GRM5: variants seen among roughly 807,000 people sequenced by gnomAD.
GRM5 encodes metabotropic glutamate receptor 5.
A neutral mutation model predicts 83.1 loss-of-function variants in GRM5; 19 were observed. The observed-to-expected ratio is 0.23, with a 90% CI of 0.16 to 0.34. The LOEUF (loss-of-function observed/expected upper bound fraction) is 0.34, where lower values mean the gene tolerates loss of function less well. Ranked by LOEUF, GRM5 falls within the 10% of genes least tolerant of loss-of-function variation. The probability of loss-of-function intolerance (pLI) is 1.00; values close to 1 mark genes in which losing one functional copy is unlikely to be tolerated. For missense variants in GRM5, 1,160 were observed against 1,588.3 expected, an observed-to-expected ratio of 0.73 and a Z score of 4.58; for synonymous variants, 675 against 633.6, an observed-to-expected ratio of 1.07 and a Z score of -0.98.
intron 2 of GRM5, among the ~76,000 whole-genome samples, chr11:88,916,938 G>T (rs1945605959): frequency 6.6e-6 from 1 of 152,102 alleles, no homozygotes; most frequent in African/African-American, 2.4e-5. Flanking sequence ...AAAGACCTAG[G>T]CGTGGCAGGA....
At chr11:88,610,379 C>A (rs947696048) in intron 4 of GRM5, among the ~76,000 whole-genome samples, 1 of 152,108 alleles carries the variant, frequency 6.6e-6, no homozygotes, top group Admixed American at 6.6e-5. Context: ...TTGTTTGTGT[C>A]ATCTCTGATT....
At chr11:88,779,408 C>T (rs1164371790) in intron 3 of GRM5, among the ~76,000 whole-genome samples, 1 of 152,112 alleles carries the variant, frequency 6.6e-6, no homozygotes, top group Non-Finnish European at 1.5e-5. Flanking sequence ...ACATCAGACT[C>T]CGCTGGGTTT....
chr11:88,668,056 T>C (rs957871923), intron 3 of GRM5, among the ~76,000 whole-genome samples: 2 of 151,976 alleles, frequency 1.3e-5, no homozygotes, highest in Non-Finnish European at 2.9e-5. Context: ...AAAAAGAATA[T>C]TGTGAAATAT....
At chr11:89,051,499 C>T (rs1412958929) in intron 1 of GRM5, among the ~76,000 whole-genome samples, 1 of 152,000 alleles carries the variant, frequency 6.6e-6, no homozygotes, top group Non-Finnish European at 1.5e-5. Flanking sequence ...CACTTGAGGT[C>T]AGGCTTTCAA....
intron 3 of GRM5, among the ~76,000 whole-genome samples, chr11:88,696,756 G>A (rs1194093648): frequency 2.0e-5 from 3 of 152,140 alleles, no homozygotes; most frequent in African/African-American, 7.2e-5. Flanking sequence ...CATGAAGTAC[G>A]TAAAGTGCTA....
chr11:88,760,709 A>C (rs933051739), intron 3 of GRM5, among the ~76,000 whole-genome samples: 15 of 152,152 alleles, frequency 9.9e-5, no homozygotes, highest in Non-Finnish European at 1.9e-4. Context: ...TCATTCTACA[A>C]AGCCAACATC....
chr11:89,031,388 T>A (rs1251588079), intron 2 of GRM5, among the ~76,000 whole-genome samples: 2 of 151,976 alleles, frequency 1.3e-5, no homozygotes, highest in African/African-American at 2.4e-5. Flanking sequence ...TAATTAGATT[T>A]TTTAAATACA....
intron 2 of GRM5, among the ~76,000 whole-genome samples, chr11:88,899,651 A>T (rs1485641419): frequency 6.6e-6 from 1 of 152,024 alleles, no homozygotes; most frequent in South Asian, 2.1e-4. Flanking sequence ...AATTATTTAT[A>T]ATACTAGAAT....
intron 7 of GRM5, among the ~76,000 whole-genome samples, chr11:88,570,650 G>A (rs1942978706): frequency 7.3e-6 from 1 of 137,736 alleles, no homozygotes; most frequent in African/African-American, 2.8e-5. Flanking sequence ...TGTGATCTTG[G>A]CTCACTGCAA....
chr11:88,977,205 A>AGTATT (rs1939371695), intron 2 of GRM5, among the ~76,000 whole-genome samples: 1 of 150,168 alleles, frequency 6.7e-6, no homozygotes, highest in South Asian at 2.1e-4. Flanking sequence ...TTTATATTAT[A>AGTATT]TTATTTTATT....
intron 3 of GRM5, among the ~76,000 whole-genome samples, chr11:88,686,841 A>G (rs7119837): frequency 0.99 from 151,117 of 152,100 alleles, 75,080 homozygotes; most frequent in South Asian, 1. Context: ...TCCCAGTCTC[A>G]GGTTTGTCTT....
intron 2 of GRM5, among the ~76,000 whole-genome samples, chr11:88,983,008 G>A (rs1939577650): frequency 6.6e-6 from 1 of 152,204 alleles, no homozygotes; most frequent in Non-Finnish European, 1.5e-5. Flanking sequence ...GGAGGTTGCA[G>A]TGAGCTGAGA....
Position 88,509,086 on chromosome 11 carries a change from G to A in GRM5, c.3145C>T (p.Arg1049Cys). ...AGGGAGCCCTGCGAGGAGCTGCTGC[G>A]CGCCACAGGCTCCGAGTGCAGCGAC... is the stretch of plus-strand genomic sequence containing the variant. Reference protein sequence around the residue: ...VPSLHSEPVARSSSSQGSLME... With the variant: ...VPSLHSEPVACSSSSQGSLME... Residue 1049 changes from arginine to cysteine, a missense_variant, in exon 10 of 10, where the codon CGC becomes TGC. This residue lies in a region of GRM5 where 562 missense variants were observed against 532.4 expected (regional missense o/e 1.06). Coordinates refer to ENST00000305447, the MANE Select transcript of GRM5 (RefSeq NM_001143831.3). The A allele has an allele frequency of 1.3e-6, 2 of 1,550,318 alleles. No homozygotes were observed. The highest frequency in any genetic ancestry group is 2.4e-5 in the East Asian group (1 of 41,092).
chr11:88,686,938 C>G (rs1940641045), intron 3 of GRM5, among the ~76,000 whole-genome samples: 1 of 152,138 alleles, frequency 6.6e-6, no homozygotes, highest in South Asian at 2.1e-4. Context: ...ATTTATCTAT[C>G]TCCTCTACTA....
intron 2 of GRM5, among the ~76,000 whole-genome samples, chr11:88,980,684 G>A (rs7946260): frequency 0.081 from 12,242 of 151,864 alleles, 1,519 homozygotes; most frequent in African/African-American, 0.27. Flanking sequence ...TTAGTCGGGC[G>A]TGGTGGCAGG....
chr11:88,874,053 A>G (rs537051934), intron 2 of GRM5, among the ~76,000 whole-genome samples: 1 of 151,950 alleles, frequency 6.6e-6, no homozygotes, highest in South Asian at 2.1e-4. Context: ...ACCTGAACAG[A>G]CCAGTAATGA....
intron 4 of GRM5, among the ~76,000 whole-genome samples, chr11:88,633,897 G>A (rs1939049153): frequency 6.6e-6 from 1 of 152,148 alleles, no homozygotes; most frequent in Non-Finnish European, 1.5e-5. Context: ...GAAAGGTGCT[G>A]TTAGGCAATT....
intron 2 of GRM5, among the ~76,000 whole-genome samples, chr11:88,865,713 GAA>G (rs200356988): frequency 6.7e-6 from 1 of 149,540 alleles, no homozygotes; most frequent in African/African-American, 2.5e-5. Flanking sequence ...CAAATTACAA[GAA>G]AAAAAAACAA....
intron 2 of GRM5, among the ~76,000 whole-genome samples, chr11:88,850,560 T>G (rs1944372688): frequency 6.6e-6 from 1 of 151,402 alleles, no homozygotes; most frequent in African/African-American, 2.4e-5. Flanking sequence ...TTTAAAGATA[T>G]AGTACATATA....
Sources: allele counts gnomAD v4.1 joint callset (sites outside exome capture counted in the v4.1 genomes callset), GRCh38; gene constraint gnomAD v4.1.1; regional missense constraint gnomAD v4.1.1; transcripts MANE v1.5; gene names NCBI Gene and HGNC (gene_info 2026-07-23, HGNC 2026-07-21).